The following ZMAT4 variants were observed in gnomAD, a reference collection of about 807,000 sequenced individuals.
ZMAT4 encodes the protein zinc finger matrin-type 4.
A neutral mutation model predicts 28.7 loss-of-function variants in ZMAT4; 17 were observed. That is an observed-to-expected ratio of 0.59 (90% CI 0.41 to 0.89). The LOEUF (loss-of-function observed/expected upper bound fraction) is 0.89. Ranked by LOEUF, ZMAT4 falls within the 40% of genes least tolerant of loss-of-function variation. The pLI, the probability that ZMAT4 is intolerant of heterozygous loss-of-function variation, is 0.00. For missense variants in ZMAT4, 240 were observed against 283.8 expected (o/e 0.85, Z 1.11); for synonymous variants, 117 against 109.2 (o/e 1.07, Z -0.44).
rs911273699 is a variant in ZMAT4, at chr8:40,771,189, G to A, written c.103-3459C>T. Among the ~76,000 whole-genome samples the A allele has an allele frequency of 1.3e-5, 2 of 150,696 alleles. 1 individual carries two copies. Among genetic ancestry groups the A allele is most frequent in the Non-Finnish European group, 3.0e-5 (2 of 67,774 alleles). The stretch of plus-strand genomic sequence containing the variant: ...ACACACACACTCACATATATATAAA[G>A]GTTTTTAAATGTATATTATATATAT... On this transcript the variant is annotated intron_variant, in intron 2 of 6. Transcript: ENST00000297737.
chr8:40,856,621 T>C (rs1345647965), intron 1 of ZMAT4, among the ~76,000 whole-genome samples: 2 of 152,196 alleles, frequency 1.3e-5, no homozygotes, highest in Non-Finnish European at 2.9e-5. Flanking sequence ...ACATCAACCC[T>C]GAAGACCTCT....
At chr8:40,815,493 C>G (rs549978945) in intron 2 of ZMAT4, among the ~76,000 whole-genome samples, 1 of 152,138 alleles carries the variant, frequency 6.6e-6, no homozygotes, top group Admixed American at 6.5e-5. Context: ...GAAAATTTCT[C>G]TCAAACATCC....
intron 4 of ZMAT4, among the ~76,000 whole-genome samples, chr8:40,677,762 G>C (rs1286226082): frequency 2.0e-5 from 3 of 152,076 alleles, no homozygotes; most frequent in Non-Finnish European, 4.4e-5. Flanking sequence ...TTATCTTTTG[G>C]TTTAAAAACA....
intron 5 of ZMAT4, among the ~76,000 whole-genome samples, chr8:40,598,501 T>C (rs1306058804): frequency 6.6e-6 from 1 of 152,176 alleles, no homozygotes; most frequent in Non-Finnish European, 1.5e-5. Flanking sequence ...CTGAGAATGA[T>C]GGTTTCCAGT....
intron 2 of ZMAT4, among the ~76,000 whole-genome samples, chr8:40,791,921 G>C (rs1814341856): frequency 6.6e-6 from 1 of 152,152 alleles, no homozygotes; most frequent in African/African-American, 2.4e-5. Flanking sequence ...CCGCTGCACA[G>C]CAGAGGGGCC....
intron 5 of ZMAT4, among the ~76,000 whole-genome samples, chr8:40,629,798 G>C (rs1360722481): frequency 6.6e-6 from 1 of 152,066 alleles, no homozygotes; most frequent in Admixed American, 6.6e-5. Context: ...TCTTAATCCA[G>C]TCTATCGTTG....
chr8:40,652,331 A>T (rs1406149929), intron 5 of ZMAT4, among the ~76,000 whole-genome samples: 2 of 125,028 alleles, frequency 1.6e-5, no homozygotes, highest in African/African-American at 5.9e-5. Flanking sequence ...CACATGAAAA[A>T]ATGCTCATGA....
chr8:40,737,471 C>T (rs7841944), intron 3 of ZMAT4, among the ~76,000 whole-genome samples: 131,202 of 152,152 alleles, frequency 0.86, 56,688 homozygotes, highest in Admixed American at 0.9. Context: ...AGAAAAGTCA[C>T]TGAATCCAAG....
chr8:40,638,819 T>C (rs1011729173), intron 5 of ZMAT4, among the ~76,000 whole-genome samples: 2 of 152,220 alleles, frequency 1.3e-5, no homozygotes, highest in Non-Finnish European at 2.9e-5. Flanking sequence ...CCTGTGTAAA[T>C]GTACAAGGTA....
At chr8:40,876,251 C>A (rs936956426) in intron 1 of ZMAT4, among the ~76,000 whole-genome samples, 6 of 152,126 alleles carry the variant, frequency 3.9e-5, no homozygotes, top group African/African-American at 1.4e-4. Flanking sequence ...AAGATGAAGA[C>A]CTTTATGATA....
intron 1 of ZMAT4, among the ~76,000 whole-genome samples, chr8:40,859,456 G>A (rs940977516): frequency 2.0e-5 from 3 of 148,578 alleles, no homozygotes; most frequent in Non-Finnish European, 3.0e-5. Flanking sequence ...GTCTAGCAAC[G>A]CACACACACA....
chr8:40,551,956 G>A (rs1585674062), intron 6 of ZMAT4, among the ~76,000 whole-genome samples: 5 of 152,284 alleles, frequency 3.3e-5, no homozygotes, highest in Admixed American at 3.3e-4. Flanking sequence ...CGTGTGTGAG[G>A]ATTGAATGAG....
chr8:40,565,971 T>C (rs1231968199), intron 6 of ZMAT4, among the ~76,000 whole-genome samples: 9 of 152,114 alleles, frequency 5.9e-5, no homozygotes, highest in Non-Finnish European at 1.0e-4. Context: ...GTGACTTTTC[T>C]GGAATCATAG....
chr8:40,622,561 G>T (rs942328214), intron 5 of ZMAT4, among the ~76,000 whole-genome samples: 2 of 152,154 alleles, frequency 1.3e-5, no homozygotes, highest in Admixed American at 1.3e-4. Context: ...TTGTTTGTTT[G>T]CACTGCTATC....
rs553582148 is a variant in ZMAT4, at chr8:40,891,379, C to T, written c.-5+6304G>A. 1.1e-4 allele frequency among the ~76,000 whole-genome samples: 16 copies of T among 150,728 alleles called. No individual in the cohort carries two copies. In the South Asian group the frequency reaches 1.7e-3, roughly 16 times the overall value. Reference sequence around the variant, plus strand: ...CCCTGCCTGGTGTATCCCTTGGGTTCTCTCCATGGGCCATGTGGGCTGCTC... The same window carrying T: ...CCCTGCCTGGTGTATCCCTTGGGTTTTCTCCATGGGCCATGTGGGCTGCTC... On this transcript the variant is annotated intron_variant, in intron 1 of 6. Coordinates refer to ENST00000297737, the MANE Select transcript of ZMAT4 (RefSeq NM_024645.3).
At chr8:40,788,550 A>G (rs1814184882) in intron 2 of ZMAT4, among the ~76,000 whole-genome samples, 1 of 152,172 alleles carries the variant, frequency 6.6e-6, no homozygotes, top group Non-Finnish European at 1.5e-5. Context: ...GCACCACTGC[A>G]CAATCTCAGC....
chr8:40,709,256 A>T, intron 3 of ZMAT4, among the ~76,000 whole-genome samples: 1 of 148,162 alleles, frequency 6.7e-6, no homozygotes, highest in East Asian at 2.2e-4. Context: ...TTATTGTTGT[A>T]TTATTTTTAT....
chr8:40,548,657 G>C (rs1343698111), intron 6 of ZMAT4, among the ~76,000 whole-genome samples: 2 of 152,112 alleles, frequency 1.3e-5, no homozygotes, highest in Non-Finnish European at 2.9e-5. Flanking sequence ...AGAGATAAGG[G>C]GGTTCTTGAA....
In ZMAT4 at chr8:40,783,773, G is replaced by A. The variant is rs1813942662; in HGVS notation, c.103-16043C>T. ...CGCTTGTAATCCCAGCACTTTGGAA[G>A]GCCGAGGTGGGCGGATCACCTGAGG... On this transcript the variant is annotated intron_variant, in intron 2 of 6. Coordinates refer to ENST00000297737, the MANE Select transcript of ZMAT4 (RefSeq NM_024645.3). 2.0e-5 allele frequency among the ~76,000 whole-genome samples: 3 copies of A among 152,110 alleles called. 1 individual carries two copies. The South Asian group carries it at 6.2e-4, about 32-fold the overall frequency.
Sources: allele counts gnomAD v4.1 joint callset (sites outside exome capture counted in the v4.1 genomes callset), GRCh38; gene constraint gnomAD v4.1.1; transcripts MANE v1.5; gene names NCBI Gene and HGNC (gene_info 2026-07-23, HGNC 2026-07-21).